The following RORA variants were observed in gnomAD, a reference collection of about 807,000 sequenced individuals.
RORA encodes the protein nuclear receptor ROR-alpha.
In RORA, 7 loss-of-function variants were observed where a neutral mutation model predicts 69.5. That is an observed-to-expected ratio of 0.10 (90% CI 0.06 to 0.19). RORA has a LOEUF of 0.19. Among genes scored for constraint, RORA ranks in the 10% least tolerant of loss-of-function variants. The pLI is 1.00. For missense variants in RORA, 457 were observed against 663.0 expected (o/e 0.69, Z 3.41); for synonymous variants, 261 against 240.8 (o/e 1.08, Z -0.78).
chr15:60,732,330 G>T (rs772764788), intron 1 of RORA, among the ~76,000 whole-genome samples: 1 of 152,144 alleles, frequency 6.6e-6, no homozygotes, highest in Non-Finnish European at 1.5e-5. Flanking sequence ...GGTAGGTGCG[G>T]GTGAGCCAGC....
intron 1 of RORA, among the ~76,000 whole-genome samples, chr15:61,080,137 CTT>C (rs2078517782): frequency 6.6e-6 from 1 of 152,200 alleles, no homozygotes. Context: ...GCTTCCCTCT[CTT>C]ATTTATTCAG....
chr15:60,758,893 A>G (rs541695636), intron 1 of RORA, among the ~76,000 whole-genome samples: 2 of 152,330 alleles, frequency 1.3e-5, no homozygotes, highest in South Asian at 4.1e-4. Context: ...TGAAAGATTG[A>G]TAAGAGAGGC....
chr15:60,987,017 G>A (rs528763918), intron 1 of RORA, among the ~76,000 whole-genome samples: 42 of 152,214 alleles, frequency 2.8e-4, no homozygotes, highest in Non-Finnish European at 2.1e-4. Context: ...CAGCTACTTC[G>A]GATGTCCAGT....
intron 1 of RORA, among the ~76,000 whole-genome samples, chr15:60,838,062 C>A (rs112577322): frequency 1.2e-3 from 184 of 152,286 alleles, no homozygotes; most frequent in African/African-American, 4.4e-3. Flanking sequence ...CAAGGCTTGG[C>A]TTCCAAGTCC....
chr15:60,853,624 T>C (rs1252544804), intron 1 of RORA, among the ~76,000 whole-genome samples: 1 of 152,212 alleles, frequency 6.6e-6, no homozygotes, highest in East Asian at 1.9e-4. Flanking sequence ...CAGATATACC[T>C]GGACAGGCCT....
intron 1 of RORA, among the ~76,000 whole-genome samples, chr15:61,059,993 A>AGG (rs2078156917): frequency 1.5e-4 from 13 of 85,526 alleles, no homozygotes; most frequent in African/African-American, 5.2e-4. Flanking sequence ...GAAGAGGAAG[A>AGG]AGAAGAAGAA....
chr15:60,607,979 C>T (rs927488911), intron 2 of RORA, among the ~76,000 whole-genome samples: 3 of 152,176 alleles, frequency 2.0e-5, no homozygotes, highest in South Asian at 2.1e-4. Context: ...TTGGCTGCAA[C>T]GATTCTTTTT....
intron 1 of RORA, among the ~76,000 whole-genome samples, chr15:60,959,736 G>A (rs764470587): frequency 1.3e-5 from 2 of 152,126 alleles, no homozygotes; most frequent in African/African-American, 4.8e-5. Context: ...CTGGTAGGAC[G>A]CATTTGAAAA....
intron 1 of RORA, among the ~76,000 whole-genome samples, chr15:61,105,844 A>G (rs1465098139): frequency 6.6e-6 from 1 of 152,240 alleles, no homozygotes; most frequent in Non-Finnish European, 1.5e-5. Flanking sequence ...GGTAGATACT[A>G]GGTAATTATT....
chr15:60,812,108 CTTTG>C (rs1460226067), intron 1 of RORA, among the ~76,000 whole-genome samples: 4 of 152,294 alleles, frequency 2.6e-5, no homozygotes, highest in East Asian at 1.9e-4. Context: ...CTCTGCTTCC[CTTTG>C]TTTGACCCCA....
intron 1 of RORA, among the ~76,000 whole-genome samples, chr15:61,194,551 A>AAAAT (rs904298584): frequency 6.6e-6 from 1 of 151,756 alleles, no homozygotes; most frequent in Non-Finnish European, 1.5e-5. Context: ...AGGAAAAAAA[A>AAAAT]AAAAAGCTGT....
At chr15:60,819,771 A>ACACACACG (rs1555455787) in intron 1 of RORA, among the ~76,000 whole-genome samples, 1 of 151,170 alleles carries the variant, frequency 6.6e-6, no homozygotes, top group East Asian at 1.9e-4. Context: ...ACACACACAC[A>ACACACACG]CACACACACA....
Position 60,901,543 on chromosome 15 carries a change from T to C in RORA, c.167-222857A>G, listed in dbSNP as rs557505914. 9.2e-5 allele frequency among the ~76,000 whole-genome samples: 14 copies of C among 152,392 alleles called. 1 individual carries two copies. The South Asian group carries it at 2.9e-3, about 32-fold the overall frequency. ...AGCTGAAAGAAATATCTAACAGTTC[T>C]GTTTATTTGTAAATTACACCCAAAT... On this transcript the variant is annotated intron_variant, in intron 1 of 10. Coordinates refer to ENST00000335670, the MANE Select transcript of RORA (RefSeq NM_134261.3).
chr15:61,184,268 A>C (rs1306073862), intron 1 of RORA, among the ~76,000 whole-genome samples: 1 of 152,200 alleles, frequency 6.6e-6, no homozygotes, highest in Non-Finnish European at 1.5e-5. Flanking sequence ...AGCAATAGCT[A>C]TTCACATTTC....
chr15:61,008,937 G>A lies in RORA; in HGVS notation c.166+220116C>T, dbSNP rs535708021. 1.2e-4 allele frequency among the ~76,000 whole-genome samples: 18 copies of A among 152,192 alleles called. No homozygotes were observed. In the South Asian group the frequency reaches 3.3e-3, roughly 28 times the overall value. On this transcript the variant is annotated intron_variant, in intron 1 of 10. Coordinates refer to ENST00000335670, the MANE Select transcript of RORA (RefSeq NM_134261.3). ...CCATTTGATGAAATTAGAAAGACAC[G>A]GGGCATAGAAAGGGTCAGGTCCAGC...
At chr15:60,772,130 C>T (rs1476332383) in intron 1 of RORA, among the ~76,000 whole-genome samples, 1 of 152,038 alleles carries the variant, frequency 6.6e-6, no homozygotes, top group Non-Finnish European at 1.5e-5. Context: ...CATAGGTATA[C>T]ATGTGCCATG....
intron 2 of RORA, among the ~76,000 whole-genome samples, chr15:60,550,545 A>G (rs972665436): frequency 2.0e-5 from 3 of 152,236 alleles, no homozygotes; most frequent in South Asian, 2.1e-4. Flanking sequence ...CCAGTTTTCA[A>G]TCCTCCTCAC....
At chr15:60,719,035 G>T (rs2071257186) in intron 1 of RORA, among the ~76,000 whole-genome samples, 1 of 126,000 alleles carries the variant, frequency 7.9e-6, no homozygotes, top group African/African-American at 3.2e-5. Context: ...GTGTGTGTGT[G>T]TGGGGGGGGT....
chr15:61,219,191 G>A (rs2080070309), intron 1 of RORA, among the ~76,000 whole-genome samples: 1 of 152,172 alleles, frequency 6.6e-6, no homozygotes, highest in African/African-American at 2.4e-5. Context: ...TACTGACAAT[G>A]TTCCACTAAT....
Sources: gnomAD v4.1 joint callset for allele counts (sites outside exome capture counted in the v4.1 genomes callset) on GRCh38, gnomAD v4.1.1 for gene constraint, MANE v1.5 for transcripts, NCBI Gene and HGNC (gene_info 2026-07-23, HGNC 2026-07-21) for gene names.